The following SCN10A variants were observed in gnomAD, a reference collection of about 807,000 sequenced individuals.
SCN10A encodes sodium channel protein type 10 subunit alpha.
SCN10A carries 162 observed loss-of-function variants against 170.7 expected under a neutral mutation model. The observed-to-expected ratio is 0.95, with a 90% CI of 0.84 to 1.08. The LOEUF (loss-of-function observed/expected upper bound fraction) is 1.08. SCN10A is among the 50% of genes least tolerant of loss of function. The pLI, the probability that SCN10A is intolerant of heterozygous loss-of-function variation, is 0.00. For missense variants in SCN10A, 2,527 were observed against 2,436.9 expected (o/e 1.04, Z -0.78); for synonymous variants, 985 against 904.6 (o/e 1.09, Z -1.59).
rs368793970 is a variant in SCN10A at position 38,697,308 on chromosome 3, G to A, written c.*41C>T. The A allele has an allele frequency of 5.6e-6, 9 of 1,599,482 alleles. No individual in the cohort carries two copies. Among genetic ancestry groups the A allele is most frequent in the Middle Eastern group, 1.7e-4 (1 of 5,880 alleles). ...GGAAAGAGTTAACACAGAGCAGAAGGACGCATCATAACTGAACATATCCAG... is the reference window on the plus strand; with the variant it reads ...GGAAAGAGTTAACACAGAGCAGAAGAACGCATCATAACTGAACATATCCAG... On this transcript the variant is annotated 3_prime_UTR_variant, in exon 28 of 28. Transcript: ENST00000449082.
At chr3:38,788,233 A>G (rs891291753) in intron 4 of SCN10A, among the ~76,000 whole-genome samples, 4 of 150,434 alleles carry the variant, frequency 2.7e-5, no homozygotes, top group East Asian at 1.9e-4. Flanking sequence ...AAAAAAAAAA[A>G]AAAAAAGAAA....
At chr3:38,723,377 GA>G (rs1471980531) in intron 19 of SCN10A, 52 bp downstream of exon 19, 10 of 1,608,956 alleles carry the variant, frequency 6.2e-6, no homozygotes, top group Non-Finnish European at 6.8e-6. Flanking sequence ...CGCTCAACTG[GA>G]TTCTGGCCCT....
intron 11 of SCN10A, among the ~76,000 whole-genome samples, chr3:38,754,024 G>C (rs1481795134): frequency 6.6e-6 from 1 of 152,216 alleles, no homozygotes; most frequent in Non-Finnish European, 1.5e-5. Flanking sequence ...CCTGGGAAAA[G>C]AGGGAGAGGA....
At chr3:38,738,814 G>C (rs1027618017) in intron 15 of SCN10A, among the ~76,000 whole-genome samples, 1 of 152,206 alleles carries the variant, frequency 6.6e-6, no homozygotes, top group Non-Finnish European at 1.5e-5. Flanking sequence ...TGATAAAAGT[G>C]GGTGGCCTGT....
chr3:38,728,712 G>T lies in SCN10A; in HGVS notation c.2470C>A (p.His824Asn). Residue 824 changes from histidine (H) to asparagine (N), a missense_variant, in exon 16 of 28, where the codon CAT becomes AAT. Coordinates refer to ENST00000449082, the MANE Select transcript of SCN10A (RefSeq NM_006514.4). ...RNNRKNISAP[H>N]EDWPRWHMHD... ...ATGTGCCAGCGGGGCCAGTCTTCATGGGGCGCGGAGATATTTTTTCGGTTG... is the reference window on the plus strand; with the variant it reads ...ATGTGCCAGCGGGGCCAGTCTTCATTGGGCGCGGAGATATTTTTTCGGTTG... The T allele has an allele frequency of 6.2e-7, 1 of 1,614,138 alleles. No homozygotes were observed. The highest frequency in any genetic ancestry group is 8.5e-7 in the Non-Finnish European group (1 of 1,180,036).
At chr3:38,785,854 G>A (rs1053193501) in intron 4 of SCN10A, among the ~76,000 whole-genome samples, 35 of 152,294 alleles carry the variant, frequency 2.3e-4, no homozygotes, top group Non-Finnish European at 3.4e-4. Context: ...AGACATTTAT[G>A]CAGCCAATAA....
chr3:38,714,465 C>A (rs559791432), intron 21 of SCN10A, among the ~76,000 whole-genome samples: 78 of 152,248 alleles, frequency 5.1e-4, no homozygotes, highest in African/African-American at 1.8e-3. Context: ...CTCCTAGGGG[C>A]TATGCTGAGA....
chr3:38,768,125 G>A (rs1364111426), intron 5 of SCN10A, among the ~76,000 whole-genome samples: 2 of 151,780 alleles, frequency 1.3e-5, no homozygotes, highest in Non-Finnish European at 2.9e-5. Flanking sequence ...AAGTTTATGT[G>A]GCTCCTTATG....
At chr3:38,794,397 A>C (rs11712354) in intron 1 of SCN10A, among the ~76,000 whole-genome samples, 17,707 of 152,140 alleles carry the variant, frequency 0.12, 1,188 homozygotes, top group Middle Eastern at 0.2. Context: ...TCCCATATTC[A>C]TCAAAGACTT....
intron 4 of SCN10A, among the ~76,000 whole-genome samples, chr3:38,781,215 C>T (rs2064134991): frequency 6.6e-6 from 1 of 152,088 alleles, no homozygotes. Flanking sequence ...AGCTTGGTGG[C>T]TGGACTGAGA....
intron 14 of SCN10A, among the ~76,000 whole-genome samples, chr3:38,740,303 T>G (rs760396460): frequency 6.6e-6 from 1 of 152,230 alleles, no homozygotes; most frequent in Non-Finnish European, 1.5e-5. Flanking sequence ...ATTCTGACAC[T>G]GAGAGAGGTC....
chr3:38,727,149 C>T, intron 16 of SCN10A, 97 bp from the exon 17 acceptor site: 1 of 1,162,320 alleles, frequency 8.6e-7, no homozygotes, highest in Non-Finnish European at 1.2e-6. Context: ...ACAGCCACGG[C>T]CTGGGCCTCT....
At chr3:38,746,063 G>GTGTATATATATATGTGTGTGTGTATA (rs1293476818) in intron 13 of SCN10A, among the ~76,000 whole-genome samples, 1 of 61,626 alleles carries the variant, frequency 1.6e-5, no homozygotes, top group Non-Finnish European at 3.5e-5. Flanking sequence ...GTGTGTATGT[G>GTGTATATATATATGTGTGTGTGTATA]TATATATATA....
intron 26 of SCN10A, among the ~76,000 whole-genome samples, chr3:38,705,220 T>A (rs971173194): frequency 1.3e-5 from 2 of 152,176 alleles, no homozygotes; most frequent in South Asian, 4.1e-4. Flanking sequence ...CTATGCGAAA[T>A]TAGGGAACAA....
intron 20 of SCN10A, among the ~76,000 whole-genome samples, chr3:38,722,017 C>T (rs1304815661): frequency 1.3e-5 from 2 of 152,210 alleles, no homozygotes; most frequent in Non-Finnish European, 2.9e-5. Flanking sequence ...GAGGCATACA[C>T]TCACTCACTC....
intron 4 of SCN10A, among the ~76,000 whole-genome samples, chr3:38,775,953 A>G (rs2064068401): frequency 6.6e-6 from 1 of 152,116 alleles, no homozygotes; most frequent in Non-Finnish European, 1.5e-5. Flanking sequence ...AACCTTTAAC[A>G]TAAAATTTTC....
chr3:38,732,002 T>C (rs1439940801), intron 15 of SCN10A, among the ~76,000 whole-genome samples: 1 of 152,256 alleles, frequency 6.6e-6, no homozygotes, highest in African/African-American at 2.4e-5. Context: ...AAAGTCATAG[T>C]ATTGGCTTCT....
chr3:38,753,075 G>C (rs575538498), intron 11 of SCN10A, among the ~76,000 whole-genome samples: 2 of 152,316 alleles, frequency 1.3e-5, no homozygotes, highest in South Asian at 4.1e-4. Context: ...GAGTTTCTAG[G>C]ATCCCTCGAG....
chr3:38,697,515 T>G lies in SCN10A; in HGVS notation c.5705A>C (p.Asn1902Thr), dbSNP rs756547221. The change falls in exon 28 of 28, where the codon AAT (asparagine) becomes ACT (threonine). Residue 1902 changes from asparagine to threonine, a missense_variant. Asn to Thr is a moderately conservative substitution (Grantham distance 65). Transcript: ENST00000449082. ...TTCAGATTTGTCTGGGAGTACACAA[T>G]TTTCATTTGCTGTGAATGCAACAAA... ...EGFVAFTANE[N>T]CVLPDKSETA... The G allele has an allele frequency of 6.2e-7, 1 of 1,614,184 alleles. No individual in the cohort carries two copies. The highest frequency in any genetic ancestry group is 1.1e-5 in the South Asian group (1 of 91,080).
Sources: gnomAD v4.1 joint callset for allele counts (sites outside exome capture counted in the v4.1 genomes callset) on GRCh38, gnomAD v4.1.1 for gene constraint, MANE v1.5 for transcripts, NCBI Gene and HGNC (gene_info 2026-07-23, HGNC 2026-07-21) for gene names.